The following MEMO1 variants were observed in gnomAD, a reference collection of about 807,000 sequenced individuals.
MEMO1 encodes the protein mediator of cell motility 1, also known as protein MEMO1.
MEMO1 carries 6 observed loss-of-function variants against 45.2 expected under a neutral mutation model. The ratio of observed to expected loss-of-function variants is 0.13; its 90% CI spans 0.07 to 0.26. The LOEUF is 0.26. MEMO1 is among the 10% of genes least tolerant of loss of function. The pLI, the probability that MEMO1 is intolerant of heterozygous loss-of-function variation, is 1.00. For missense variants in MEMO1, 184 were observed against 370.5 expected (o/e 0.50, Z 4.13); for synonymous variants, 78 against 124.3 (o/e 0.63, Z 2.48).
intron 7 of MEMO1, among the ~76,000 whole-genome samples, chr2:31,889,096 T>C (rs570184047): frequency 9.1e-4 from 139 of 152,208 alleles, no homozygotes; most frequent in Non-Finnish European, 1.0e-3. Context: ...AATATCTCTA[T>C]CACCAAGGTT....
chr2:31,876,534 G>A (rs1365387843), intron 8 of MEMO1, among the ~76,000 whole-genome samples: 1 of 152,208 alleles, frequency 6.6e-6, no homozygotes, highest in African/African-American at 2.4e-5. Context: ...GCTTACTGCT[G>A]TATCTCCACC....
intron 8 of MEMO1, among the ~76,000 whole-genome samples, chr2:31,872,903 T>C (rs1674000948): frequency 1.3e-5 from 2 of 152,096 alleles, no homozygotes; most frequent in Admixed American, 1.3e-4. Context: ...ACAAAAGCAA[T>C]AATGATAAAA....
chr2:31,979,752 C>T (rs1393635222), intron 2 of MEMO1, among the ~76,000 whole-genome samples: 1 of 152,048 alleles, frequency 6.6e-6, no homozygotes, highest in African/African-American at 2.4e-5. Context: ...AATGCCATGC[C>T]ATTGCTTTAG....
rs1313951087 is a variant in MEMO1 at position 31,868,369 on chromosome 2, C to T, written c.886G>A (p.Val296Ile). 6.5e-6 allele frequency: 10 copies of T among 1,546,610 alleles called. No individual in the cohort carries two copies. The highest frequency in any genetic ancestry group is 8.7e-6 in the Non-Finnish European group (10 of 1,149,550). The change falls in exon 10 of 10, where the codon GTC (valine) becomes ATC (isoleucine). Residue 296 changes from valine to isoleucine, a missense_variant. Transcript: ENST00000404530. The part of the protein sequence containing the change: ...SVSYAAGALT[V>I]H Reference sequence around the variant, plus strand: ...CCTGAGGATTCAGAGCTTCAGTGGACCGTGAGTGCTCCAGCTGCATAACTC... The same window carrying T: ...CCTGAGGATTCAGAGCTTCAGTGGATCGTGAGTGCTCCAGCTGCATAACTC...
At chr2:31,901,316 T>A (rs1159610010) in intron 6 of MEMO1, among the ~76,000 whole-genome samples, 1 of 125,082 alleles carries the variant, frequency 8.0e-6, no homozygotes, top group African/African-American at 3.2e-5. Flanking sequence ...GAGGTTGCAG[T>A]GAGCCAAGAT....
At chr2:31,903,335 G>A (rs1465497119) in intron 6 of MEMO1, among the ~76,000 whole-genome samples, 1 of 142,716 alleles carries the variant, frequency 7.0e-6, no homozygotes, top group Non-Finnish European at 1.5e-5. Context: ...TACCCCTAAG[G>A]TGCCAAGGTT....
chr2:31,947,146 C>G (rs1558524884), intron 2 of MEMO1, among the ~76,000 whole-genome samples: 1 of 152,130 alleles, frequency 6.6e-6, no homozygotes, highest in Non-Finnish European at 1.5e-5. Context: ...ACGTTCACAA[C>G]ACAGGAAGTT....
In MEMO1 at chr2:31,869,765, T is replaced by C. The variant is rs544858800; in HGVS notation, c.762+83A>G. 1.5e-5 allele frequency: 21 copies of C among 1,424,050 alleles called. No homozygotes were observed. In the East Asian group the frequency reaches 5.6e-4, roughly 38 times the overall value. The allele number at this position is 1,424,050 out of a possible 1,614,324, so 88.2% of individuals were successfully genotyped here. ...CTTGACCATAGGTACATAAAACCAA[T>C]GATGCCATTGTATCACAATGATAAT... On this transcript the variant is annotated intron_variant, in intron 9 of 9. Transcript: ENST00000404530.
intron 6 of MEMO1, among the ~76,000 whole-genome samples, chr2:31,896,116 T>C (rs914135866): frequency 1.8e-4 from 27 of 152,166 alleles, no homozygotes. Flanking sequence ...GTGCTGGGAT[T>C]ACAGGCGTGA....
intron 8 of MEMO1, among the ~76,000 whole-genome samples, chr2:31,874,631 T>A (rs928039377): frequency 2.0e-5 from 3 of 152,046 alleles, no homozygotes; most frequent in East Asian, 1.9e-4. Flanking sequence ...TTTGAACAGA[T>A]GTAATCTAAA....
chr2:31,992,789 T>TAAAAAAAAAAAAA (rs930697344), intron 2 of MEMO1, among the ~76,000 whole-genome samples: 3 of 147,986 alleles, frequency 2.0e-5, no homozygotes, highest in African/African-American at 7.4e-5. Flanking sequence ...GTCTCAAATT[T>TAAAAAAAAAAAAA]AAAAAAAAAA....
intron 2 of MEMO1, among the ~76,000 whole-genome samples, chr2:31,989,879 G>C (rs887616348): frequency 5.9e-5 from 9 of 152,148 alleles, no homozygotes; most frequent in Admixed American, 2.0e-4. Flanking sequence ...CAATTTGGGA[G>C]GCCGAAGTAG....
chr2:31,958,895 T>C (rs1006268849), intron 2 of MEMO1, among the ~76,000 whole-genome samples: 1 of 152,138 alleles, frequency 6.6e-6, no homozygotes, highest in Non-Finnish European at 1.5e-5. Context: ...AAGCAATCCA[T>C]CTGCCTCAGC....
chr2:31,932,054 C>G lies in MEMO1; in HGVS notation c.212+13G>C. 1 of 1,607,900 alleles carries G rather than the reference C, an allele frequency of 6.2e-7. No homozygotes were observed. The highest frequency in any genetic ancestry group is 1.1e-5 in the South Asian group (1 of 90,294). On this transcript the variant is annotated intron_variant, in intron 4 of 9. Coordinates refer to ENST00000404530, the MANE Select transcript of MEMO1 (RefSeq NM_001301833.4). ...CAAGCTTCTCCGACTTAAAACAAAACTACATTACTTACGTAATAGACGGAT... is the reference window on the plus strand; with the variant it reads ...CAAGCTTCTCCGACTTAAAACAAAAGTACATTACTTACGTAATAGACGGAT...
In MEMO1 at chr2:31,874,650, CTTAG is replaced by C. The variant is rs1486511689; in HGVS notation, c.658-4702_658-4699del. ...AACAGATGTAATCTAAAATTTTATA[CTTAG>C]TTTCTTTTTACTCTATCAAACTTCC... On this transcript the variant is annotated intron_variant, in intron 8 of 9. Coordinates refer to ENST00000404530, the MANE Select transcript of MEMO1 (RefSeq NM_001301833.4). Among the ~76,000 whole-genome samples, 3 of 151,806 alleles carry C rather than the reference CTTAG, an allele frequency of 2.0e-5. No homozygotes were observed. The East Asian group carries it at 5.9e-4, about 30-fold the overall frequency.
intron 2 of MEMO1, among the ~76,000 whole-genome samples, chr2:31,995,797 C>G (rs934875162): frequency 2.0e-5 from 3 of 151,804 alleles, no homozygotes; most frequent in Non-Finnish European, 4.4e-5. Context: ...CAGTAAGCCC[C>G]AAGGGATAAA....
intron 2 of MEMO1, among the ~76,000 whole-genome samples, chr2:31,995,784 T>TCACA (rs1672520633): frequency 6.6e-6 from 1 of 151,746 alleles, no homozygotes; most frequent in East Asian, 1.9e-4. Context: ...CATCTAAGAA[T>TCACA]CACAGTAAGC....
At chr2:31,942,265 A>T (rs1665703069) in intron 3 of MEMO1, among the ~76,000 whole-genome samples, 1 of 152,128 alleles carries the variant, frequency 6.6e-6, no homozygotes, top group Non-Finnish European at 1.5e-5. Context: ...CCTCCTCAAA[A>T]ATTAAGTTGC....
intron 2 of MEMO1, among the ~76,000 whole-genome samples, chr2:32,007,018 A>T (rs1256017796): frequency 2.0e-5 from 3 of 151,872 alleles, no homozygotes; most frequent in Admixed American, 2.0e-4. Flanking sequence ...TATGAGATTA[A>T]ATTTCCTAAA....
Sources: gnomAD v4.1 joint callset for allele counts (sites outside exome capture counted in the v4.1 genomes callset) on GRCh38, gnomAD v4.1.1 for gene constraint, MANE v1.5 for transcripts, NCBI Gene and HGNC (gene_info 2026-07-23, HGNC 2026-07-21) for gene names.